Variants in FBXL17 observed in about 807,000 individuals in gnomAD.
The protein encoded by FBXL17 is F-box and leucine rich repeat protein 17.
FBXL17 carries 22 observed loss-of-function variants against 66.2 expected under a neutral mutation model. The observed-to-expected ratio is 0.33, with a 90% CI of 0.24 to 0.47. The LOEUF is 0.47. Ranked by LOEUF, FBXL17 falls within the 20% of genes least tolerant of loss-of-function variation. The probability of loss-of-function intolerance (pLI) is 1.00; values close to 1 mark genes in which losing one functional copy is unlikely to be tolerated. For missense variants in FBXL17, 878 were observed against 948.2 expected (o/e 0.93, Z 0.97); for synonymous variants, 474 against 400.5 (o/e 1.18, Z -2.19).
intron 7 of FBXL17, among the ~76,000 whole-genome samples, chr5:107,944,025 T>C (rs757396353): frequency 5.9e-5 from 9 of 152,196 alleles, no homozygotes; most frequent in South Asian, 4.1e-4. Flanking sequence ...CTGTTGCATA[T>C]GCTGTGCATT....
At chr5:108,006,195 A>G (rs1753914514) in intron 7 of FBXL17, among the ~76,000 whole-genome samples, 1 of 152,254 alleles carries the variant, frequency 6.6e-6, no homozygotes, top group Admixed American at 6.5e-5. Flanking sequence ...CCATATTGCT[A>G]AAGTCATAAA....
intron 7 of FBXL17, among the ~76,000 whole-genome samples, chr5:107,979,495 T>C (rs1004548984): frequency 1.5e-4 from 23 of 152,222 alleles, no homozygotes; most frequent in African/African-American, 5.5e-4. Context: ...TGCGTAATGG[T>C]GTGTGAGAAA....
At chr5:108,211,074 T>C (rs574730804) in intron 5 of FBXL17, among the ~76,000 whole-genome samples, 1 of 152,294 alleles carries the variant, frequency 6.6e-6, no homozygotes, top group South Asian at 2.1e-4. Flanking sequence ...ATGCCCTTCT[T>C]TGTCTCTTTT....
rs137972084 is a variant in FBXL17 at position 108,243,537 on chromosome 5, G to T, written c.1507-19309C>A. Among the ~76,000 whole-genome samples the T allele has an allele frequency of 5.8e-3, 884 of 152,222 alleles. 4 individuals are homozygous for T. Among genetic ancestry groups the T allele is most frequent in the African/African-American group, 0.02 (818 of 41,558 alleles). ...GTTTTACAAATGAAGAAAGAGAGAA[G>T]TTAAAGTAATCTTCCCAAGATTATA... On this transcript the variant is annotated intron_variant, in intron 4 of 8. Transcript: ENST00000542267.
chr5:108,195,691 T>C (rs929219860), intron 5 of FBXL17, among the ~76,000 whole-genome samples: 16 of 152,184 alleles, frequency 1.1e-4, no homozygotes, highest in African/African-American at 3.1e-4. Context: ...AGAAGCTATA[T>C]TGAATTAATC....
chr5:108,308,356 G>A (rs781239566), intron 4 of FBXL17, among the ~76,000 whole-genome samples: 2 of 151,856 alleles, frequency 1.3e-5, no homozygotes, highest in Non-Finnish European at 2.9e-5. Context: ...AATCCTATAA[G>A]GAAAATATTC....
rs548797838 is a variant in FBXL17, at chr5:108,078,176, A to G, written c.1746-57175T>C. On this transcript the variant is annotated intron_variant, in intron 6 of 8. Transcript: ENST00000542267. ...CCTCGCCCATCTGCAATGCCACCACATGGGCTGGGACACAGCTGTTCAACT... is the reference window on the plus strand; with the variant it reads ...CCTCGCCCATCTGCAATGCCACCACGTGGGCTGGGACACAGCTGTTCAACT... Among the ~76,000 whole-genome samples, 4 of 152,298 alleles carry G rather than the reference A, an allele frequency of 2.6e-5. No homozygotes were observed. The East Asian group carries it at 5.8e-4, about 22-fold the overall frequency.
chr5:108,223,819 A>AT (rs67036103), intron 5 of FBXL17, among the ~76,000 whole-genome samples: 113,381 of 151,454 alleles, frequency 0.75, 42,793 homozygotes, highest in East Asian at 0.93. Context: ...TTAAAATTCA[A>AT]CCAAATATCT....
chr5:107,863,192 A>G (rs1239258951), intron 8 of FBXL17, among the ~76,000 whole-genome samples: 1 of 151,500 alleles, frequency 6.6e-6, no homozygotes, highest in African/African-American at 2.4e-5. Context: ...ATATGAACTG[A>G]TGAATTTAAT....
intron 6 of FBXL17, among the ~76,000 whole-genome samples, chr5:108,155,784 G>A (rs1580526730): frequency 6.6e-6 from 1 of 151,910 alleles, no homozygotes; most frequent in East Asian, 1.9e-4. Flanking sequence ...TTATGATTTA[G>A]AACAAAAAAT....
chr5:107,882,930 G>C (rs1748838837), intron 7 of FBXL17, among the ~76,000 whole-genome samples: 2 of 152,258 alleles, frequency 1.3e-5, no homozygotes, highest in South Asian at 2.1e-4. Context: ...AAAAGCCCTG[G>C]ACTATCACAG....
chr5:108,170,993 G>A (rs1054852397), intron 6 of FBXL17, among the ~76,000 whole-genome samples: 2 of 152,006 alleles, frequency 1.3e-5, no homozygotes, highest in Admixed American at 6.6e-5. Flanking sequence ...TTAATACCAC[G>A]AAATACCAAA....
chr5:108,137,557 T>G (rs1444951733), intron 6 of FBXL17, among the ~76,000 whole-genome samples: 2 of 152,142 alleles, frequency 1.3e-5, no homozygotes, highest in Non-Finnish European at 2.9e-5. Context: ...CTGCCATAGA[T>G]GATAACTGCA....
At chr5:108,009,717 A>G (rs942006434) in intron 7 of FBXL17, among the ~76,000 whole-genome samples, 3 of 152,196 alleles carry the variant, frequency 2.0e-5, no homozygotes, top group African/African-American at 7.2e-5. Context: ...GTTAAAAGTA[A>G]GTTTGATTTA....
intron 7 of FBXL17, among the ~76,000 whole-genome samples, chr5:107,916,490 T>A (rs1198540234): frequency 6.6e-6 from 1 of 152,162 alleles, no homozygotes; most frequent in African/African-American, 2.4e-5. Context: ...TCTCATGAGA[T>A]AAAAATGAAA....
At chr5:108,230,428 G>A (rs867044369) in intron 4 of FBXL17, among the ~76,000 whole-genome samples, 1 of 152,178 alleles carries the variant, frequency 6.6e-6, no homozygotes, top group Non-Finnish European at 1.5e-5. Flanking sequence ...CAGCAACCTG[G>A]ATGGGACTGG....
At chr5:108,213,582 C>T (rs1754470939) in intron 5 of FBXL17, among the ~76,000 whole-genome samples, 1 of 152,100 alleles carries the variant, frequency 6.6e-6, no homozygotes, top group South Asian at 2.1e-4. Flanking sequence ...GAGGCAATGC[C>T]CCACCCTGCT....
chr5:108,175,051 T>A (rs1474922305), intron 6 of FBXL17, among the ~76,000 whole-genome samples: 1 of 152,172 alleles, frequency 6.6e-6, no homozygotes, highest in East Asian at 1.9e-4. Flanking sequence ...AATAAATAAA[T>A]CTGTTAGAAA....
chr5:107,926,003 G>A (rs571568807), intron 7 of FBXL17, among the ~76,000 whole-genome samples: 6 of 152,168 alleles, frequency 3.9e-5, no homozygotes, highest in Non-Finnish European at 8.8e-5. Flanking sequence ...ATCTAACATC[G>A]ACTGAGCACT....
Sources: allele counts gnomAD v4.1 joint callset (sites outside exome capture counted in the v4.1 genomes callset), GRCh38; gene constraint gnomAD v4.1.1; transcripts MANE v1.5; gene names NCBI Gene and HGNC (gene_info 2026-07-23, HGNC 2026-07-21).